Variants in CDC27 observed in about 807,000 individuals in gnomAD.
CDC27 encodes cell division cycle protein 27 homolog.
Under a neutral mutation model 109.7 loss-of-function variants are expected in CDC27, and 27 were observed. The ratio of observed to expected loss-of-function variants is 0.25; its 90% CI spans 0.18 to 0.34. CDC27 has a LOEUF of 0.34. Among genes scored for constraint, CDC27 ranks in the 10% least tolerant of loss-of-function variants. CDC27 has a pLI of 1.00. For missense variants in CDC27, 579 were observed against 960.2 expected, an observed-to-expected ratio of 0.60 and a Z score of 5.25; for synonymous variants, 266 against 333.9, an observed-to-expected ratio of 0.80 and a Z score of 2.22.
intron 4 of CDC27, among the ~76,000 whole-genome samples, chr17:47,162,767 T>G (rs1400559293): frequency 6.6e-6 from 1 of 152,156 alleles, no homozygotes; most frequent in Admixed American, 6.6e-5. Context: ...AAAATCAAAC[T>G]TGGTTAAGTT....
Position 47,143,892 on chromosome 17 carries a change from G to A in CDC27, c.1161C>T (p.Ser387=), listed in dbSNP as rs1332462876. ...GAAATCTTTAAATTACCTTGGTTGT[G>A]GAGCTGTCACTAGTAAAGAGTCGTG... ...RSSRLFTSDS[S]TTKENSKKLK... is the part of the protein sequence containing the mutation. Residue 387 remains serine (S), a synonymous_variant, in exon 10 of 19, where the codon TCC becomes TCT. Transcript: ENST00000066544. 5 of 1,448,462 alleles carry A rather than the reference G, an allele frequency of 3.5e-6. No homozygotes were observed. The highest frequency in any genetic ancestry group is 9.2e-7 in the Non-Finnish European group (1 of 1,088,306). The allele number at this position is 1,448,462 out of a possible 1,614,324, so 89.7% of individuals were successfully genotyped here.
In CDC27 at chr17:47,181,526, C is replaced by A. The variant is rs147156754; in HGVS notation, c.103+36G>T. 8.1e-4 allele frequency: 928 copies of A among 1,140,472 alleles called. 6 individuals carry two copies. Among genetic ancestry groups the A allele is most frequent in the African/African-American group, 5.4e-3 (354 of 65,634 alleles). 70.6% of individuals were successfully genotyped at this position (1,140,472 alleles called of 1,614,324 possible). A position where few individuals can be genotyped will look rare whatever the true frequency, so the allele number is the denominator to read the frequency against. On this transcript the variant is annotated intron_variant, in intron 2 of 18. Coordinates refer to ENST00000066544, the MANE Select transcript of CDC27 (RefSeq NM_001256.6). ...GTTATGGAATTTCATATATGTTATT[C>A]ATTTATCATTCTACAGCAATGAATA...
intron 4 of CDC27, among the ~76,000 whole-genome samples, chr17:47,162,244 AAGT>A (rs1935904158): frequency 6.6e-6 from 1 of 152,194 alleles, no homozygotes; most frequent in Non-Finnish European, 1.5e-5. Flanking sequence ...TTTCTGGCTT[AAGT>A]TCCCTCTTTA....
chr17:47,133,014 TATATATATATATATACAC>T (rs2062408783), intron 14 of CDC27, among the ~76,000 whole-genome samples: 4 of 45,364 alleles, frequency 8.8e-5, no homozygotes, highest in Non-Finnish European at 1.8e-4. Flanking sequence ...TATATATATA[TATATATATATATATACAC>T]ACACACACAC....
Position 47,141,615 on chromosome 17 carries a change from ATGTC to A in CDC27, c.1551+234_1551+237del, listed in dbSNP as rs766917735. On this transcript the variant is annotated intron_variant, in intron 12 of 18. Transcript: ENST00000066544. ...TGAATAGGACACACTCTACGTAAGA[ATGTC>A]TGGATGACTTGGGTCTCTATAAACC... Among the ~76,000 whole-genome samples the A allele has an allele frequency of 7.9e-5, 12 of 152,322 alleles. No individual in the cohort carries two copies. The East Asian group carries it at 1.7e-3, about 22-fold the overall frequency.
In CDC27 at chr17:47,120,894, A is replaced by T; in HGVS notation, c.*41T>A. Reference sequence around the variant, plus strand: ...ACAGAGGGACAAGAAACACGTCAGCACTAGTCACACATCCAGTTGTAAAAG... The same window carrying T: ...ACAGAGGGACAAGAAACACGTCAGCTCTAGTCACACATCCAGTTGTAAAAG... On this transcript the variant is annotated 3_prime_UTR_variant, in exon 19 of 19. Coordinates refer to ENST00000066544, the MANE Select transcript of CDC27 (RefSeq NM_001256.6). 1 of 1,383,174 alleles carries T rather than the reference A, an allele frequency of 7.2e-7. No homozygotes were observed. Among genetic ancestry groups the T allele is most frequent in the Non-Finnish European group, 1.0e-6 (1 of 972,946 alleles). 85.7% of individuals were successfully genotyped at this position (1,383,174 alleles called of 1,614,324 possible).
intron 2 of CDC27, among the ~76,000 whole-genome samples, chr17:47,178,786 A>T (rs2064113674): frequency 6.6e-6 from 1 of 152,038 alleles, no homozygotes; most frequent in Admixed American, 6.6e-5. Flanking sequence ...GAGTATCTGA[A>T]TTCAGATTCT....
chr17:47,162,258 T>A (rs965442672), intron 4 of CDC27, among the ~76,000 whole-genome samples: 1 of 152,206 alleles, frequency 6.6e-6, no homozygotes, highest in Non-Finnish European at 1.5e-5. Context: ...TCCCTCTTTA[T>A]TTTCACTGTT....
intron 2 of CDC27, among the ~76,000 whole-genome samples, chr17:47,180,956 A>C (rs2064199395): frequency 1.3e-5 from 2 of 149,868 alleles, no homozygotes; most frequent in South Asian, 2.1e-4. Context: ...AAAAAAAAAA[A>C]AAAAAAAAAA....
intron 16 of CDC27, 58 bp downstream of exon 16, chr17:47,129,335 G>C: frequency 8.3e-7 from 1 of 1,211,842 alleles, no homozygotes; most frequent in Non-Finnish European, 1.2e-6. Flanking sequence ...TTGAAAACAA[G>C]GGATAACGTT....
chr17:47,124,256 C>CTATCTATCTATCT lies in CDC27; in HGVS notation c.2161-297_2161-296insAGATAGATAGATA, dbSNP rs1555780287. On this transcript the variant is annotated intron_variant, in intron 16 of 18. Coordinates refer to ENST00000066544, the MANE Select transcript of CDC27 (RefSeq NM_001256.6). ...GGTGGTAACAATCCTTGCTTTTGGT[C>CTATCTATCTATCT]ATCTATCTATCTATCTATCTATCTA... 2.7e-5 allele frequency among the ~76,000 whole-genome samples: 4 copies of CTATCTATCTATCT among 148,282 alleles called. No homozygotes were observed. In the South Asian group the frequency reaches 6.5e-4, roughly 24 times the overall value.
intron 16 of CDC27, among the ~76,000 whole-genome samples, chr17:47,126,548 T>TA (rs1289489612): frequency 2.0e-5 from 3 of 152,196 alleles, no homozygotes; most frequent in African/African-American, 7.2e-5. Context: ...TCACTATATA[T>TA]ATCATAGTCC....
chr17:47,161,285 GAAAT>G (rs2063490734), intron 4 of CDC27, among the ~76,000 whole-genome samples: 1 of 151,876 alleles, frequency 6.6e-6, no homozygotes, highest in Non-Finnish European at 1.5e-5. Flanking sequence ...CAACTGGCCT[GAAAT>G]TTCTTAAATA....
rs199779693 is a variant in CDC27, at chr17:47,141,976, C to T, written c.1428G>A (p.Leu476=). The part of the protein sequence containing the change: ...LREMGKGYLA[L]CSYNCKEAIN... ...TAGCTTCTTTGCAGTTGTATGAACACAAAGCTAAATAACCTTTCCCCATTT... is the reference window on the plus strand; with the variant it reads ...TAGCTTCTTTGCAGTTGTATGAACATAAAGCTAAATAACCTTTCCCCATTT... The change falls in exon 12 of 19, where the codon TTG becomes TTA. Residue 476 remains leucine, a synonymous_variant. Transcript: ENST00000066544. 6.2e-7 allele frequency: 1 copy of T among 1,607,250 alleles called. No individual in the cohort carries two copies. The highest frequency in any genetic ancestry group is 1.7e-5 in the Admixed American group (1 of 59,002).
At chr17:47,163,733 C>T (rs2063561993) in intron 4 of CDC27, among the ~76,000 whole-genome samples, 1 of 152,174 alleles carries the variant, frequency 6.6e-6, no homozygotes, top group South Asian at 2.1e-4. Context: ...CAACAGATCA[C>T]ATGTATGACA....
intron 2 of CDC27, among the ~76,000 whole-genome samples, chr17:47,178,491 C>T (rs2064099733): frequency 6.7e-6 from 1 of 148,612 alleles, no homozygotes; most frequent in South Asian, 2.1e-4. Context: ...GAAAAGATCA[C>T]ATGACTGCAC....
At chr17:47,168,303 C>T (rs547219810) in intron 4 of CDC27, among the ~76,000 whole-genome samples, 1 of 152,268 alleles carries the variant, frequency 6.6e-6, no homozygotes, top group African/African-American at 2.4e-5. Context: ...CAGTCCCCAT[C>T]CTGAAGCTAC....
At chr17:47,172,671 T>G (rs2063846288) in intron 2 of CDC27, among the ~76,000 whole-genome samples, 1 of 152,190 alleles carries the variant, frequency 6.6e-6, no homozygotes, top group African/African-American at 2.4e-5. Context: ...TAGCAAGAGC[T>G]GAGTTATCTA....
At chr17:47,185,714 T>A (rs1373234614) in intron 1 of CDC27, among the ~76,000 whole-genome samples, 1 of 152,084 alleles carries the variant, frequency 6.6e-6, no homozygotes, top group African/African-American at 2.4e-5. Context: ...CTGCCCTTTT[T>A]TAAAAACCAT....
Sources: gnomAD v4.1 joint callset for allele counts (sites outside exome capture counted in the v4.1 genomes callset) on GRCh38, gnomAD v4.1.1 for gene constraint, MANE v1.5 for transcripts, NCBI Gene and HGNC (gene_info 2026-07-23, HGNC 2026-07-21) for gene names.